PDZD2: variants seen among roughly 807,000 people sequenced by gnomAD.
PDZD2 encodes the protein PDZ domain-containing protein 2.
A neutral mutation model predicts 220.7 loss-of-function variants in PDZD2; 90 were observed. The observed-to-expected ratio is 0.41, with a 90% CI of 0.34 to 0.49. PDZD2 has a LOEUF of 0.49. PDZD2 is among the 20% of genes least tolerant of loss of function. The pLI is 0.28. For synonymous variants in PDZD2, 1,375 were observed against 1,450.5 expected, an observed-to-expected ratio of 0.95 and a Z score of 1.18; for missense variants, 3,174 against 3,608.5, an observed-to-expected ratio of 0.88 and a Z score of 3.08.
chr5:31,701,584 C>G (rs1022058219), intron 1 of PDZD2, among the ~76,000 whole-genome samples: 1 of 152,152 alleles, frequency 6.6e-6, no homozygotes, highest in Non-Finnish European at 1.5e-5. Context: ...CATCCTAAAG[C>G]CTTCTTCCTG....
chr5:31,954,683 C>A (rs553184852), intron 2 of PDZD2, among the ~76,000 whole-genome samples: 1 of 152,242 alleles, frequency 6.6e-6, no homozygotes, highest in Non-Finnish European at 1.5e-5. Flanking sequence ...AATCCTACCA[C>A]TTTGGGAGAC....
At chr5:31,860,705 T>C (rs1465847941) in intron 2 of PDZD2, among the ~76,000 whole-genome samples, 1 of 152,220 alleles carries the variant, frequency 6.6e-6, no homozygotes, top group Non-Finnish European at 1.5e-5. Flanking sequence ...TGGCTGTTGG[T>C]CATTCCTGTT....
intron 2 of PDZD2, among the ~76,000 whole-genome samples, chr5:31,850,347 T>C (rs1398381933): frequency 7.2e-6 from 1 of 137,958 alleles, no homozygotes; most frequent in Non-Finnish European, 1.7e-5. Context: ...AAAGGTCCGA[T>C]GTTTTGAGAG....
At chr5:31,852,385 A>G (rs1044165523) in intron 2 of PDZD2, among the ~76,000 whole-genome samples, 1 of 151,518 alleles carries the variant, frequency 6.6e-6, no homozygotes, top group African/African-American at 2.4e-5. Flanking sequence ...GGTTCAAGCT[A>G]TTCTCTTTCC....
At chr5:31,794,366 A>C in intron 1 of PDZD2, among the ~76,000 whole-genome samples, 1 of 149,318 alleles carries the variant, frequency 6.7e-6, no homozygotes, top group Admixed American at 6.7e-5. Context: ...AATAGTAGAT[A>C]TTTAATCATA....
intron 1 of PDZD2, among the ~76,000 whole-genome samples, chr5:31,760,910 G>A (rs991396313): frequency 6.6e-5 from 10 of 152,130 alleles, no homozygotes; most frequent in East Asian, 1.9e-4. Flanking sequence ...CGATGAGAGC[G>A]AGACCCTGTC....
chr5:32,101,322 T>G (rs1744239618), intron 24 of PDZD2, 83 bp downstream of exon 24: 7 of 1,286,472 alleles, frequency 5.4e-6, no homozygotes, highest in Non-Finnish European at 7.5e-6. Flanking sequence ...GCCTTCCATT[T>G]AGAAATCAAA....
intron 2 of PDZD2, among the ~76,000 whole-genome samples, chr5:31,959,792 A>G (rs1303096982): frequency 2.0e-5 from 3 of 152,198 alleles, no homozygotes; most frequent in Non-Finnish European, 4.4e-5. Flanking sequence ...TGACAGTTCT[A>G]GAGACTTGAA....
chr5:31,949,826 C>A (rs1007380357), intron 2 of PDZD2, among the ~76,000 whole-genome samples: 4 of 142,318 alleles, frequency 2.8e-5, no homozygotes, highest in Non-Finnish European at 3.0e-5. Context: ...GCATGCGCTA[C>A]CACACCAGCT....
chr5:31,977,918 G>A (rs1749931144), intron 2 of PDZD2, among the ~76,000 whole-genome samples: 1 of 152,196 alleles, frequency 6.6e-6, no homozygotes, highest in South Asian at 2.1e-4. Flanking sequence ...AGGCTGCAGT[G>A]AGCTGAAATC....
At chr5:31,832,047 T>A (rs1055346164) in intron 2 of PDZD2, among the ~76,000 whole-genome samples, 6 of 151,932 alleles carry the variant, frequency 3.9e-5, no homozygotes, top group Admixed American at 2.0e-4. Context: ...TTTAGTAGGT[T>A]TTTGTTTTGT....
chr5:31,880,791 C>G (rs200141708), intron 2 of PDZD2, among the ~76,000 whole-genome samples: 1 of 76,468 alleles, frequency 1.3e-5, no homozygotes, highest in African/African-American at 6.5e-5. Flanking sequence ...TTTTTTTTTT[C>G]TTTTTTTTTT....
At chr5:31,713,524 G>A (rs571896272) in intron 1 of PDZD2, among the ~76,000 whole-genome samples, 10 of 152,282 alleles carry the variant, frequency 6.6e-5, no homozygotes, top group Admixed American at 2.0e-4. Flanking sequence ...GATCCCTAAC[G>A]TTGGGCCTAA....
At chr5:31,695,324 C>G (rs1247910293) in intron 1 of PDZD2, among the ~76,000 whole-genome samples, 1 of 152,060 alleles carries the variant, frequency 6.6e-6, no homozygotes, top group East Asian at 1.9e-4. Flanking sequence ...CCTCAGTCAT[C>G]AAAGTCAATG....
At chr5:31,718,182 G>T (rs1748563692) in intron 1 of PDZD2, among the ~76,000 whole-genome samples, 1 of 152,228 alleles carries the variant, frequency 6.6e-6, no homozygotes, top group South Asian at 2.1e-4. Flanking sequence ...TGACTTCCCA[G>T]TGGGGTTGGT....
intron 1 of PDZD2, among the ~76,000 whole-genome samples, chr5:31,707,825 C>T (rs563627497): frequency 1.3e-5 from 2 of 152,112 alleles, no homozygotes; most frequent in Admixed American, 1.3e-4. Context: ...CAAGAGTTTC[C>T]CTATGTTGCC....
At chr5:32,045,593 T>A (rs1231399403) in intron 7 of PDZD2, among the ~76,000 whole-genome samples, 2 of 151,596 alleles carry the variant, frequency 1.3e-5, no homozygotes, top group Admixed American at 6.6e-5. Flanking sequence ...CAGCTGTTTT[T>A]TTTTTTTGTA....
In PDZD2 at chr5:32,074,046, G is replaced by C. The variant is rs1279439795; in HGVS notation, c.2940G>C (p.Gly980=). The C allele has an allele frequency of 6.2e-7, 1 of 1,614,122 alleles. No individual in the cohort carries two copies. The highest frequency in any genetic ancestry group is 1.7e-5 in the Admixed American group (1 of 60,030). Residue 980 remains glycine, a synonymous_variant, in exon 18 of 25, where the codon GGG becomes GGC. Coordinates refer to ENST00000438447, the MANE Select transcript of PDZD2 (RefSeq NM_178140.4). ...ATGAGGAAGAGTTTGACAGAGAAGG[G>C]GACTGCATTTCACTCCCAGGGGCCC... is the stretch of plus-strand genomic sequence containing the variant. ...ASDEEEFDRE[G]DCISLPGALP...
At chr5:31,976,145 G>T (rs72759638) in intron 2 of PDZD2, among the ~76,000 whole-genome samples, 17,832 of 152,140 alleles carry the variant, frequency 0.12, 1,148 homozygotes, top group East Asian at 0.18. Context: ...GGCGATACCT[G>T]AGAGAGAGTG....
Sources: gnomAD v4.1 joint callset for allele counts (sites outside exome capture counted in the v4.1 genomes callset) on GRCh38, gnomAD v4.1.1 for gene constraint, MANE v1.5 for transcripts, NCBI Gene and HGNC (gene_info 2026-07-23, HGNC 2026-07-21) for gene names.